TMEM164: variants seen among roughly 807,000 people sequenced by gnomAD.
The protein encoded by TMEM164 is RP13-360B22.2.
In TMEM164, 4 loss-of-function variants were observed where a neutral mutation model predicts 18.8. The ratio of observed to expected loss-of-function variants is 0.21; its 90% CI spans 0.10 to 0.49. The LOEUF (loss-of-function observed/expected upper bound fraction) is 0.49. Ranked by LOEUF, TMEM164 falls within the 20% of genes least tolerant of loss-of-function variation. The pLI is 0.98. For synonymous variants in TMEM164, 86 were observed against 101.7 expected (o/e 0.85, Z 0.93); for missense variants, 108 against 239.9 (o/e 0.45, Z 3.63).
intron 4 of TMEM164, among the ~76,000 whole-genome samples, chrX:110,126,119 T>C (rs1445611684): frequency 8.9e-6 from 1 of 112,060 alleles, no homozygotes; most frequent in African/African-American, 3.2e-5. Context: ...GCTATTTGGT[T>C]GGTGGATGGA....
chrX:110,037,148 G>T (rs1251975613), intron 2 of TMEM164, among the ~76,000 whole-genome samples: 1 of 110,923 alleles, frequency 9.0e-6, no homozygotes, highest in East Asian at 2.8e-4. Context: ...CATAAGTTTG[G>T]TTCAAAATGG....
intron 3 of TMEM164, among the ~76,000 whole-genome samples, chrX:110,094,907 G>A (rs1029546004): frequency 9.0e-6 from 1 of 111,547 alleles, no homozygotes; most frequent in Non-Finnish European, 1.9e-5. Flanking sequence ...TTGCTTGTCT[G>A]TAAAGGATTT....
At chrX:110,111,511 C>T (rs1011783048) in intron 4 of TMEM164, among the ~76,000 whole-genome samples, 5 of 112,007 alleles carry the variant, frequency 4.5e-5, no homozygotes, top group African/African-American at 1.6e-4. Flanking sequence ...TTCAGCAGCT[C>T]TATCAGATCC....
chrX:110,139,573 GT>G (rs2066739621), intron 4 of TMEM164, among the ~76,000 whole-genome samples: 1 of 112,134 alleles, frequency 8.9e-6, no homozygotes, highest in Non-Finnish European at 1.9e-5. Flanking sequence ...TGTCATGAAT[GT>G]AAAGGGTTAA....
intron 3 of TMEM164, among the ~76,000 whole-genome samples, chrX:110,105,679 G>GACACAC (rs758900532): frequency 0.1 from 6,615 of 65,327 alleles, 448 homozygotes; most frequent in African/African-American, 0.21. Context: ...TAGAAACACA[G>GACACAC]ACACACACAC....
chrX:110,067,221 A>C, intron 2 of TMEM164, 126 bp from the exon 3 acceptor site: 1 of 679,913 alleles, frequency 1.5e-6, no homozygotes, highest in Non-Finnish European at 2.3e-6. Context: ...TGTTGCCTTT[A>C]AAAATTTTTA....
intron 5 of TMEM164, among the ~76,000 whole-genome samples, chrX:110,157,012 AG>A (rs1348914057): frequency 8.9e-6 from 1 of 112,053 alleles, no homozygotes; most frequent in African/African-American, 3.2e-5. Context: ...AGGAAGCATT[AG>A]GATAAAATAT....
intron 3 of TMEM164, among the ~76,000 whole-genome samples, chrX:110,089,793 T>C (rs1213818928): frequency 8.9e-6 from 1 of 111,988 alleles, no homozygotes; most frequent in Admixed American, 9.5e-5. Context: ...TTAGCTTCCA[T>C]TTCCTCATTT....
intron 5 of TMEM164, among the ~76,000 whole-genome samples, chrX:110,166,327 A>G (rs768575869): frequency 8.9e-6 from 1 of 112,653 alleles, no homozygotes; most frequent in South Asian, 3.7e-4. Flanking sequence ...CCATTGCATT[A>G]TTCACTTGTA....
upstream of TMEM164, chrX:110,002,899 C>A (rs1932398200): frequency 9.0e-6 from 1 of 110,707 alleles, no homozygotes; most frequent in Non-Finnish European, 1.9e-5. Flanking sequence ...AGTCCAGCCC[C>A]CGGCTGGCCC....
intron 2 of TMEM164, among the ~76,000 whole-genome samples, chrX:110,029,628 C>T (rs2066364): frequency 0.39 from 43,271 of 111,093 alleles, 7,890 homozygotes; most frequent in Non-Finnish European, 0.56. Flanking sequence ...ATTAGATTTT[C>T]GAATGGAATC....
At chrX:110,067,499 A>G (rs1294433419) in intron 3 of TMEM164, 103 bp downstream of exon 3, 5 of 809,622 alleles carry the variant, frequency 6.2e-6, no homozygotes, top group Non-Finnish European at 9.2e-6. Flanking sequence ...GGATTGTACC[A>G]TTTTGTCTTT....
At chrX:110,027,312 T>G (rs910249265) in intron 2 of TMEM164, among the ~76,000 whole-genome samples, 2 of 112,257 alleles carry the variant, frequency 1.8e-5, no homozygotes, top group Non-Finnish European at 3.8e-5. Flanking sequence ...GCTTTTGTTC[T>G]TTAGTCTTTC....
chrX:110,067,971 G>A (rs1335741786), intron 3 of TMEM164, among the ~76,000 whole-genome samples: 1 of 112,412 alleles, frequency 8.9e-6, no homozygotes, highest in African/African-American at 3.2e-5. Context: ...AAGAGTCCTG[G>A]AACCCTCATT....
intron 2 of TMEM164, among the ~76,000 whole-genome samples, chrX:110,034,593 C>T (rs751377836): frequency 8.1e-5 from 9 of 111,585 alleles, no homozygotes; most frequent in African/African-American, 2.6e-4. Flanking sequence ...GTTTGGTTCG[C>T]GGGTTATTGT....
At chrX:110,031,948 C>T (rs943039213) in intron 2 of TMEM164, among the ~76,000 whole-genome samples, 4 of 109,719 alleles carry the variant, frequency 3.6e-5, no homozygotes, top group African/African-American at 1.3e-4. Flanking sequence ...ATAAAGACCT[C>T]GGCTAATGTG....
downstream of TMEM164, among the ~76,000 whole-genome samples, chrX:110,177,996 C>T (rs777155254): frequency 2.7e-5 from 3 of 112,203 alleles, no homozygotes; most frequent in East Asian, 5.7e-4. Context: ...ACCCAGCAGG[C>T]CATTTGCTCT....
intron 2 of TMEM164, chrX:110,046,066 G>A (rs1194552429): frequency 2.7e-6 from 2 of 752,876 alleles, no homozygotes; most frequent in Non-Finnish European, 3.1e-6. Flanking sequence ...TCGACTTCTG[G>A]GTTGAGTCAA....
At chrX:110,032,663 C>T (rs1018140578) in intron 2 of TMEM164, among the ~76,000 whole-genome samples, 2 of 111,562 alleles carry the variant, frequency 1.8e-5, no homozygotes, top group African/African-American at 3.3e-5. Context: ...TGACAGCACT[C>T]GATAAACTGT....
Sources: allele counts gnomAD v4.1 joint callset (sites outside exome capture counted in the v4.1 genomes callset), GRCh38; gene constraint gnomAD v4.1.1; transcripts MANE v1.5; gene names NCBI Gene and HGNC (gene_info 2026-07-23, HGNC 2026-07-21).